The following MACROD2 variants were observed in gnomAD, a reference collection of about 807,000 sequenced individuals.
MACROD2 encodes the protein ADP-ribose glycohydrolase MACROD2.
A neutral mutation model predicts 70.4 loss-of-function variants in MACROD2; 36 were observed. The ratio of observed to expected loss-of-function variants is 0.51; its 90% CI spans 0.39 to 0.68. MACROD2 has a LOEUF of 0.68. Ranked by LOEUF, MACROD2 falls within the 30% of genes least tolerant of loss-of-function variation. MACROD2 has a pLI of 0.00. For missense variants in MACROD2, 496 were observed against 538.4 expected, an observed-to-expected ratio of 0.92 and a Z score of 0.78; for synonymous variants, 172 against 178.8, an observed-to-expected ratio of 0.96 and a Z score of 0.30.
chr20:15,182,780 A>C (rs2076509364), intron 5 of MACROD2, among the ~76,000 whole-genome samples: 1 of 152,116 alleles, frequency 6.6e-6, no homozygotes, highest in Non-Finnish European at 1.5e-5. Flanking sequence ...TCATTCATTT[A>C]ATCTTCTGGC....
At chr20:15,706,924 A>G (rs1454610672) in intron 8 of MACROD2, among the ~76,000 whole-genome samples, 2 of 152,218 alleles carry the variant, frequency 1.3e-5, no homozygotes, top group African/African-American at 2.4e-5. Context: ...CCCTGATGTT[A>G]CAAGTCCAGA....
At chr20:14,044,670 C>T (rs2053443443) in intron 2 of MACROD2, among the ~76,000 whole-genome samples, 1 of 152,156 alleles carries the variant, frequency 6.6e-6, no homozygotes, top group Admixed American at 6.5e-5. Context: ...AAACCCTGAG[C>T]TAGATACAGA....
intron 5 of MACROD2, among the ~76,000 whole-genome samples, chr20:14,706,977 C>T (rs2071277328): frequency 6.6e-6 from 1 of 152,104 alleles, no homozygotes; most frequent in Non-Finnish European, 1.5e-5. Context: ...AATTTAGATC[C>T]AAGGCAGTAA....
At chr20:15,974,797 C>T (rs1429799764) in intron 13 of MACROD2, among the ~76,000 whole-genome samples, 1 of 151,930 alleles carries the variant, frequency 6.6e-6, no homozygotes, top group African/African-American at 2.4e-5. Flanking sequence ...GTTTTTTTAA[C>T]TGTGAGCACA....
At chr20:14,402,805 G>A (rs904386441) in intron 3 of MACROD2, among the ~76,000 whole-genome samples, 2 of 152,158 alleles carry the variant, frequency 1.3e-5, no homozygotes, top group African/African-American at 4.8e-5. Context: ...GAGTCTTGGG[G>A]TATTCAGTTT....
chr20:14,744,953 G>A (rs1017108945), intron 5 of MACROD2, among the ~76,000 whole-genome samples: 2 of 152,144 alleles, frequency 1.3e-5, no homozygotes, highest in African/African-American at 2.4e-5. Context: ...GGGATGATGT[G>A]TTTCTCAGCA....
At chr20:15,421,977 G>A (rs1170501010) in intron 6 of MACROD2, among the ~76,000 whole-genome samples, 4 of 152,194 alleles carry the variant, frequency 2.6e-5, no homozygotes, top group African/African-American at 9.6e-5. Context: ...AGAAAACCAG[G>A]GAGTATTTGG....
chr20:15,067,722 G>T (rs1280516377), intron 5 of MACROD2, among the ~76,000 whole-genome samples: 2 of 152,094 alleles, frequency 1.3e-5, no homozygotes, highest in Non-Finnish European at 2.9e-5. Flanking sequence ...CATACACATT[G>T]TATGTAGATA....
In MACROD2 at chr20:15,523,803, G is replaced by C. The variant is rs112958032; in HGVS notation, c.645+23956G>C. ...CCATAGAGAGGTGGTTTCCATGATC[G>C]ATGGACAGTCTGAAGTCTAGAATAA... On this transcript the variant is annotated intron_variant, in intron 8 of 17. Coordinates refer to ENST00000684519, the MANE Select transcript of MACROD2 (RefSeq NM_001351661.2). 4.6e-3 allele frequency among the ~76,000 whole-genome samples: 696 copies of C among 152,220 alleles called. 5 individuals carry two copies. The highest frequency in any genetic ancestry group is 0.016 in the African/African-American group (664 of 41,530).
chr20:15,661,532 C>G (rs1299217687), intron 8 of MACROD2, among the ~76,000 whole-genome samples: 1 of 152,188 alleles, frequency 6.6e-6, no homozygotes, highest in African/African-American at 2.4e-5. Context: ...AGAACACTGT[C>G]AAGCCATTCA....
chr20:14,828,481 G>A (rs1446439502), intron 5 of MACROD2, among the ~76,000 whole-genome samples: 1 of 152,104 alleles, frequency 6.6e-6, no homozygotes, highest in Non-Finnish European at 1.5e-5. Flanking sequence ...AAAGCCATTT[G>A]AGTGCTTACT....
intron 3 of MACROD2, among the ~76,000 whole-genome samples, chr20:14,235,930 A>T (rs1001733850): frequency 2.0e-5 from 3 of 151,992 alleles, no homozygotes; most frequent in Non-Finnish European, 4.4e-5. Flanking sequence ...TAATAGTATT[A>T]CTGTTTTTTT....
intron 3 of MACROD2, among the ~76,000 whole-genome samples, chr20:14,367,533 G>A (rs1051534885): frequency 1.3e-5 from 2 of 152,138 alleles, no homozygotes; most frequent in Admixed American, 6.5e-5. Context: ...GTTTTTGAAG[G>A]ACAATTAGCC....
At chr20:14,602,962 G>C (rs983838233) in intron 4 of MACROD2, among the ~76,000 whole-genome samples, 3 of 152,142 alleles carry the variant, frequency 2.0e-5, no homozygotes, top group African/African-American at 7.2e-5. Context: ...TAATTCCTCA[G>C]TACCAAAGAG....
intron 3 of MACROD2, among the ~76,000 whole-genome samples, chr20:14,394,037 G>C (rs1179267020): frequency 6.6e-6 from 1 of 152,158 alleles, no homozygotes. Flanking sequence ...ATGGAACTGT[G>C]AGAAATAAAT....
intron 5 of MACROD2, among the ~76,000 whole-genome samples, chr20:15,153,164 A>G (rs968578857): frequency 2.0e-5 from 3 of 152,072 alleles, no homozygotes; most frequent in Non-Finnish European, 4.4e-5. Flanking sequence ...ATGTGTGTCC[A>G]TGTGAAGAGA....
At chr20:14,210,617 A>G (rs1185197338) in intron 3 of MACROD2, among the ~76,000 whole-genome samples, 1 of 152,176 alleles carries the variant, frequency 6.6e-6, no homozygotes, top group African/African-American at 2.4e-5. Context: ...TTGAATTACT[A>G]TGTTGCAAAG....
intron 7 of MACROD2, among the ~76,000 whole-genome samples, chr20:15,451,813 A>G (rs1343937777): frequency 6.6e-6 from 1 of 152,178 alleles, no homozygotes; most frequent in East Asian, 1.9e-4. Flanking sequence ...CTCGCTCTGC[A>G]TCTCAGGACT....
intron 5 of MACROD2, among the ~76,000 whole-genome samples, chr20:14,953,590 C>T (rs2074493352): frequency 6.6e-6 from 1 of 152,140 alleles, no homozygotes; most frequent in South Asian, 2.1e-4. Context: ...CAGGCGTAAG[C>T]CACCGTGCCC....
Sources: allele counts gnomAD v4.1 joint callset (sites outside exome capture counted in the v4.1 genomes callset), GRCh38; gene constraint gnomAD v4.1.1; transcripts MANE v1.5; gene names NCBI Gene and HGNC (gene_info 2026-07-23, HGNC 2026-07-21).